KCNH7: variants seen among roughly 807,000 people sequenced by gnomAD.
The protein encoded by KCNH7 is potassium voltage-gated channel subfamily H member 7.
A neutral mutation model predicts 120.8 loss-of-function variants in KCNH7; 49 were observed. That is an observed-to-expected ratio of 0.41 (90% confidence interval 0.32 to 0.51). The LOEUF (loss-of-function observed/expected upper bound fraction) is 0.51. KCNH7 is among the 20% of genes least tolerant of loss of function. The probability of loss-of-function intolerance (pLI) is 0.38; values close to 1 mark genes in which losing one functional copy is unlikely to be tolerated. For missense variants in KCNH7, 1,097 were observed against 1,446.6 expected, an observed-to-expected ratio of 0.76 and a Z score of 3.92; for synonymous variants, 547 against 516.1, an observed-to-expected ratio of 1.06 and a Z score of -0.81.
chr2:162,500,151 T>C (rs1163665822), intron 6 of KCNH7, among the ~76,000 whole-genome samples: 1 of 148,248 alleles, frequency 6.7e-6, no homozygotes, highest in Non-Finnish European at 1.5e-5. Context: ...ATAATATACA[T>C]ATTGATATAC....
At chr2:162,385,703 A>T (rs1686552269) in intron 12 of KCNH7, among the ~76,000 whole-genome samples, 1 of 151,824 alleles carries the variant, frequency 6.6e-6, no homozygotes, top group Non-Finnish European at 1.5e-5. Context: ...ATAATTCTCC[A>T]TCTGGTTTCT....
At chr2:162,482,557 C>A (rs890831519) in intron 6 of KCNH7, among the ~76,000 whole-genome samples, 1 of 152,070 alleles carries the variant, frequency 6.6e-6, no homozygotes, top group Non-Finnish European at 1.5e-5. Flanking sequence ...TAAAAGTTTT[C>A]TCTCTAAGAC....
chr2:162,448,544 CAA>C, intron 6 of KCNH7, among the ~76,000 whole-genome samples: 1 of 152,122 alleles, frequency 6.6e-6, no homozygotes, highest in African/African-American at 2.4e-5. Context: ...TGTAGTCAAT[CAA>C]AGAGGAAAAA....
chr2:162,835,818 G>A (rs1180859218), intron 2 of KCNH7, among the ~76,000 whole-genome samples: 1 of 152,044 alleles, frequency 6.6e-6, no homozygotes, highest in Admixed American at 6.6e-5. Context: ...TAGCAAGTTT[G>A]ACAGGAGGTG....
intron 2 of KCNH7, among the ~76,000 whole-genome samples, chr2:162,790,702 C>T (rs1683902539): frequency 1.3e-5 from 2 of 152,128 alleles, no homozygotes; most frequent in African/African-American, 4.8e-5. Flanking sequence ...AATTGTGATA[C>T]ACTTCATTAA....
chr2:162,655,410 C>T (rs1240696799), intron 2 of KCNH7, among the ~76,000 whole-genome samples: 2 of 152,144 alleles, frequency 1.3e-5, no homozygotes, highest in African/African-American at 4.8e-5. Context: ...TTAATCCCAG[C>T]TCTGCCATTT....
At chr2:162,760,439 A>G (rs909579255) in intron 2 of KCNH7, among the ~76,000 whole-genome samples, 3 of 152,126 alleles carry the variant, frequency 2.0e-5, no homozygotes, top group African/African-American at 7.2e-5. Context: ...ATCTTCAGAC[A>G]TGCTTATTTC....
chr2:162,816,674 T>C (rs1387547805), intron 2 of KCNH7, among the ~76,000 whole-genome samples: 1 of 152,138 alleles, frequency 6.6e-6, no homozygotes, highest in East Asian at 1.9e-4. Context: ...GGATAGTAAA[T>C]ATGCCAACGT....
chr2:162,687,729 C>A (rs1307732066), intron 2 of KCNH7, among the ~76,000 whole-genome samples: 1 of 152,100 alleles, frequency 6.6e-6, no homozygotes, highest in East Asian at 1.9e-4. Context: ...GACAGCTGAG[C>A]CATGGGTCAA....
chr2:162,778,341 A>G (rs1683334455), intron 2 of KCNH7, among the ~76,000 whole-genome samples: 1 of 152,126 alleles, frequency 6.6e-6, no homozygotes, highest in South Asian at 2.1e-4. Context: ...CTGTTTGTCC[A>G]CCATCTTAAA....
At chr2:162,423,136 TG>T (rs1054880415) in intron 9 of KCNH7, 199 bp downstream of exon 9, 1 of 1,099,184 alleles carries the variant, frequency 9.1e-7, no homozygotes, top group African/African-American at 1.6e-5. Flanking sequence ...ATAATGCCTT[TG>T]CCACACAGTA....
At chr2:162,759,211 T>C (rs934453074) in intron 2 of KCNH7, among the ~76,000 whole-genome samples, 14 of 152,100 alleles carry the variant, frequency 9.2e-5, no homozygotes, top group African/African-American at 3.1e-4. Flanking sequence ...CCTTGGGACT[T>C]CTGGATTGAA....
rs989599987 is a variant in KCNH7, at chr2:162,648,002, T to A, written c.308-110922A>T. Among the ~76,000 whole-genome samples the A allele has an allele frequency of 2.0e-5, 3 of 152,184 alleles. No homozygotes were observed. The East Asian group carries it at 5.8e-4, about 29-fold the overall frequency. ...ATAGGATCTGGAGTCAAATTCTGCA[T>A]AATATTGGTTCATAAGAAGTGATTG... On this transcript the variant is annotated intron_variant, in intron 2 of 15. Transcript: ENST00000332142.
intron 2 of KCNH7, among the ~76,000 whole-genome samples, chr2:162,632,591 A>T (rs1238272832): frequency 1.3e-5 from 2 of 151,892 alleles, no homozygotes; most frequent in Non-Finnish European, 2.9e-5. Flanking sequence ...CTAAAAAGAG[A>T]TCAAAATATT....
chr2:162,389,152 T>A (rs1175348974), intron 12 of KCNH7, among the ~76,000 whole-genome samples: 1 of 151,936 alleles, frequency 6.6e-6, no homozygotes, highest in African/African-American at 2.4e-5. Flanking sequence ...TGTCTTTTTG[T>A]TTTGTTTTGT....
chr2:162,373,663 C>T lies in KCNH7; in HGVS notation c.3132-1G>A. On this transcript the variant is annotated splice_acceptor_variant, in intron 14 of 15. Transcript: ENST00000332142. LOFTEE classifies it high-confidence loss of function. ...GTCAGTGGTCATTTGGGATTCAAGCCTACAGAACAGACAGAAGTAGGAAAA... is the reference window on the plus strand; with the variant it reads ...GTCAGTGGTCATTTGGGATTCAAGCTTACAGAACAGACAGAAGTAGGAAAA... The T allele has an allele frequency of 6.8e-7, 1 of 1,481,134 alleles. No homozygotes were observed. Among genetic ancestry groups the T allele is most frequent in the Non-Finnish European group, 9.0e-7 (1 of 1,111,594 alleles). The allele number at this position is 1,481,134 out of a possible 1,614,324, so 91.7% of individuals were successfully genotyped here.
At chr2:162,407,214 T>C (rs1376782120) in intron 9 of KCNH7, among the ~76,000 whole-genome samples, 1 of 152,024 alleles carries the variant, frequency 6.6e-6, no homozygotes, top group Non-Finnish European at 1.5e-5. Flanking sequence ...ATTTGGCATA[T>C]GATTTATATC....
intron 2 of KCNH7, among the ~76,000 whole-genome samples, chr2:162,816,123 G>A (rs1451201247): frequency 1.3e-5 from 2 of 151,978 alleles, no homozygotes; most frequent in African/African-American, 4.8e-5. Flanking sequence ...CGGTTGTGGT[G>A]GCGCATGCCT....
chr2:162,833,240 C>T (rs756741128), intron 2 of KCNH7, among the ~76,000 whole-genome samples: 4 of 151,874 alleles, frequency 2.6e-5, no homozygotes, highest in African/African-American at 7.2e-5. Context: ...GTGATGTACT[C>T]CAAACCAGAT....
Sources: allele counts gnomAD v4.1 joint callset (sites outside exome capture counted in the v4.1 genomes callset), GRCh38; gene constraint gnomAD v4.1.1; transcripts MANE v1.5; gene names NCBI Gene and HGNC (gene_info 2026-07-23, HGNC 2026-07-21).